The following STIM1 variants were observed in gnomAD, a reference collection of about 807,000 sequenced individuals.
STIM1 encodes the protein stromal interaction molecule 1.
STIM1 carries 25 observed loss-of-function variants against 74.7 expected under a neutral mutation model. The observed-to-expected ratio is 0.33, with a 90% CI of 0.24 to 0.47. The LOEUF (loss-of-function observed/expected upper bound fraction) is 0.47, where lower values mean the gene tolerates loss of function less well. Ranked by LOEUF, STIM1 falls within the 20% of genes least tolerant of loss-of-function variation. The probability of loss-of-function intolerance (pLI) is 1.00; values close to 1 mark genes in which losing one functional copy is unlikely to be tolerated. For synonymous variants in STIM1, 328 were observed against 348.8 expected, an observed-to-expected ratio of 0.94 and a Z score of 0.66; for missense variants, 728 against 920.8, an observed-to-expected ratio of 0.79 and a Z score of 2.71.
chr11:4,027,232 A>G (rs1379848496), intron 3 of STIM1, among the ~76,000 whole-genome samples: 1 of 152,206 alleles, frequency 6.6e-6, no homozygotes, highest in Admixed American at 6.5e-5. Context: ...CTGGTAAAGC[A>G]GGGTTGAAGA....
Position 3,895,709 on chromosome 11 carries a change from T to C in STIM1, c.139+39300T>C, listed in dbSNP as rs1281262199. Among the ~76,000 whole-genome samples, 159 of 35,654 alleles carry C rather than the reference T, an allele frequency of 4.5e-3. 15 individuals are homozygous for C. Among genetic ancestry groups the C allele is most frequent in the Admixed American group, 8.7e-3 (29 of 3,338 alleles). 23.4% of individuals were successfully genotyped at this position (35,654 alleles called of 152,430 possible). On this transcript the variant is annotated intron_variant, in intron 1 of 12. Coordinates refer to ENST00000526596, the MANE Select transcript of STIM1 (RefSeq NM_001382567.1). The stretch of plus-strand genomic sequence containing the variant: ...TTCTTTCTTTCTTTCTTTCTTTCTT[T>C]CTTTCTTTCTTTCTTTCTTTCTTTC...
At chr11:3,857,999 A>G (rs1339738682) in intron 1 of STIM1, among the ~76,000 whole-genome samples, 1 of 152,198 alleles carries the variant, frequency 6.6e-6, no homozygotes, top group African/African-American at 2.4e-5. Context: ...TTATTGGGCT[A>G]TGAAGGGAAA....
chr11:3,870,143 T>C (rs976923351), intron 1 of STIM1, among the ~76,000 whole-genome samples: 2 of 152,194 alleles, frequency 1.3e-5, no homozygotes, highest in African/African-American at 2.4e-5. Flanking sequence ...TTGCTACATT[T>C]TACAAATGAG....
intron 2 of STIM1, among the ~76,000 whole-genome samples, chr11:3,998,949 C>A (rs2093686807): frequency 6.6e-6 from 1 of 152,182 alleles, no homozygotes; most frequent in Admixed American, 6.5e-5. Flanking sequence ...ACTTTGATAG[C>A]CATAGAGTCT....
chr11:4,036,248 G>A (rs1215811302), intron 3 of STIM1, among the ~76,000 whole-genome samples: 1 of 152,096 alleles, frequency 6.6e-6, no homozygotes, highest in East Asian at 1.9e-4. Context: ...TCTTTATGCA[G>A]TCTTTCATTG....
chr11:3,907,765 GC>G (rs765907767), intron 1 of STIM1, among the ~76,000 whole-genome samples: 24 of 152,130 alleles, frequency 1.6e-4, no homozygotes, highest in Non-Finnish European at 3.2e-4. Flanking sequence ...TACTGTCTTA[GC>G]CTCATTTCCT....
At chr11:3,857,019 A>G (rs947452344) in intron 1 of STIM1, among the ~76,000 whole-genome samples, 1 of 150,976 alleles carries the variant, frequency 6.6e-6, no homozygotes, top group Non-Finnish European at 1.5e-5. Flanking sequence ...TGACATAGAC[A>G]TGATATAATT....
At chr11:3,891,969 G>T (rs1468110834) in intron 1 of STIM1, among the ~76,000 whole-genome samples, 1 of 152,214 alleles carries the variant, frequency 6.6e-6, no homozygotes, top group Non-Finnish European at 1.5e-5. Flanking sequence ...AGGTGTTTGG[G>T]CTAGATTTGG....
intron 3 of STIM1, among the ~76,000 whole-genome samples, chr11:4,041,687 C>T (rs1303059775): frequency 1.3e-5 from 2 of 151,898 alleles, no homozygotes; most frequent in Non-Finnish European, 2.9e-5. Flanking sequence ...AGCCTCAACT[C>T]CAGGTGATCC....
At chr11:3,882,546 T>C (rs1006489257) in intron 1 of STIM1, among the ~76,000 whole-genome samples, 1 of 152,236 alleles carries the variant, frequency 6.6e-6, no homozygotes, top group Non-Finnish European at 1.5e-5. Context: ...GTGCACCGTT[T>C]ACCTATGTAC....
chr11:3,953,623 T>C (rs73427533), intron 1 of STIM1, among the ~76,000 whole-genome samples: 1,951 of 152,230 alleles, frequency 0.013, 45 homozygotes, highest in African/African-American at 0.045. Context: ...TCAATTTTCT[T>C]CTCCAGGTGT....
At chr11:4,043,744 T>C (rs1049995442) in intron 3 of STIM1, among the ~76,000 whole-genome samples, 1 of 152,102 alleles carries the variant, frequency 6.6e-6, no homozygotes, top group African/African-American at 2.4e-5. Flanking sequence ...TGGCTGGGCG[T>C]GGTGGCTCAT....
rs771442242 is a variant in STIM1, at chr11:4,091,335, G to C, written c.1688G>C (p.Arg563Pro). The change falls in exon 13 of 13, where the codon CGT (arginine) becomes CCT (proline). Residue 563 changes from arginine (R) to proline (P), a missense_variant. Physicochemically the swap from Arg to Pro is moderately radical, Grantham distance 103. Transcript: ENST00000526596. ...ESSLHMSDRQRVAPKPPQMSR... is the reference protein window; with the variant it reads ...ESSLHMSDRQPVAPKPPQMSR... Reference sequence around the variant, plus strand: ...TCCCTCCACATGAGTGACCGCCAGCGTGTGGCCCCCAAACCTCCTCAGATG... The same window carrying C: ...TCCCTCCACATGAGTGACCGCCAGCCTGTGGCCCCCAAACCTCCTCAGATG... 4.3e-6 allele frequency: 7 copies of C among 1,614,052 alleles called. No individual in the cohort carries two copies. Among genetic ancestry groups the C allele is most frequent in the Non-Finnish European group, 5.9e-6 (7 of 1,180,012 alleles).
intron 1 of STIM1, among the ~76,000 whole-genome samples, chr11:3,958,576 T>A (rs893828271): frequency 7.9e-5 from 12 of 152,224 alleles, no homozygotes; most frequent in Non-Finnish European, 1.6e-4. Flanking sequence ...CTCCTCTTTC[T>A]GTGGCTAGGC....
chr11:4,086,995 C>G (rs1260248914), intron 12 of STIM1: 22 of 1,302,460 alleles, frequency 1.7e-5, no homozygotes, highest in African/African-American at 1.5e-4. Flanking sequence ...CCTGTTTGTT[C>G]CCAGCTCTGG....
intron 1 of STIM1, among the ~76,000 whole-genome samples, chr11:3,933,491 G>C (rs193109354): frequency 1.3e-4 from 20 of 152,330 alleles, no homozygotes; most frequent in African/African-American, 4.1e-4. Context: ...TAAAGTCCAT[G>C]TTTCCCTCTC....
chr11:3,860,327 AT>A (rs2135199777), intron 1 of STIM1, among the ~76,000 whole-genome samples: 1 of 152,338 alleles, frequency 6.6e-6, no homozygotes, highest in East Asian at 1.9e-4. Context: ...CCTGTGTTAT[AT>A]TGTCCCCATT....
At chr11:3,952,353 C>T (rs772775358) in intron 1 of STIM1, among the ~76,000 whole-genome samples, 1 of 152,064 alleles carries the variant, frequency 6.6e-6, no homozygotes, top group Non-Finnish European at 1.5e-5. Context: ...CATGATCTTG[C>T]CACTGCAGTC....
chr11:3,956,915 A>G (rs2093222227), intron 1 of STIM1, among the ~76,000 whole-genome samples: 1 of 151,830 alleles, frequency 6.6e-6, no homozygotes, highest in African/African-American at 2.4e-5. Flanking sequence ...TCATTCAGCA[A>G]ATTCTCTATT....
Sources: gnomAD v4.1 joint callset for allele counts (sites outside exome capture counted in the v4.1 genomes callset) on GRCh38, gnomAD v4.1.1 for gene constraint, MANE v1.5 for transcripts, NCBI Gene and HGNC (gene_info 2026-07-23, HGNC 2026-07-21) for gene names.